Variants in KAT6B observed in about 807,000 individuals in gnomAD.
KAT6B encodes the protein lysine acetyltransferase 6B.
KAT6B carries 10 observed loss-of-function variants against 187.5 expected under a neutral mutation model. That is an observed-to-expected ratio of 0.05 (90% CI 0.03 to 0.09). The LOEUF (loss-of-function observed/expected upper bound fraction) is 0.09, where lower values mean the gene tolerates loss of function less well. Among genes scored for constraint, KAT6B ranks in the 10% least tolerant of loss-of-function variants. The pLI, the probability that KAT6B is intolerant of heterozygous loss-of-function variation, is 1.00. For synonymous variants in KAT6B, 861 were observed against 926.8 expected, an observed-to-expected ratio of 0.93 and a Z score of 1.29; for missense variants, 1,952 against 2,558.9, an observed-to-expected ratio of 0.76 and a Z score of 5.12.
intron 13 of KAT6B, among the ~76,000 whole-genome samples, chr10:75,006,106 G>A (rs1056734177): frequency 6.6e-6 from 1 of 152,108 alleles, no homozygotes; most frequent in African/African-American, 2.4e-5. Flanking sequence ...AGTTATTTCT[G>A]TAAACAAAAC....
At chr10:74,976,428 G>T in intron 8 of KAT6B, 98 bp downstream of exon 8, 1 of 972,320 alleles carries the variant, frequency 1.0e-6, no homozygotes, top group Non-Finnish European at 1.6e-6. Flanking sequence ...TGTCACATAG[G>T]TCTTAGCTAT....
chr10:74,828,692 G>A (rs941019141), intron 1 of KAT6B, among the ~76,000 whole-genome samples: 1 of 149,658 alleles, frequency 6.7e-6, no homozygotes, highest in African/African-American at 2.5e-5. Context: ...CTCAGCCTCC[G>A]GAGTAGCTGG....
intron 9 of KAT6B, 68 bp from the exon 10 acceptor site, chr10:74,979,156 C>A: frequency 9.3e-7 from 1 of 1,071,654 alleles, no homozygotes; most frequent in Non-Finnish European, 1.4e-6. Context: ...TTGATAGTCA[C>A]TGGTGAAAGA....
chr10:74,975,933 C>T lies in KAT6B; in HGVS notation c.1596C>T (p.Ser532=). Residue 532 remains serine (S), a synonymous_variant, in exon 8 of 18, where the codon AGC becomes AGT. Transcript: ENST00000287239. ...GCCAGTGCAGTGTGCCCTCCCTGAG[C>T]AGCCTTACCACTAACAGCCAGCTGA... ...SSSQCSVPSL[S]SLTTNSQLKA... 1 of 1,614,164 alleles carries T rather than the reference C, an allele frequency of 6.2e-7. No homozygotes were observed. The highest frequency in any genetic ancestry group is 8.5e-7 in the Non-Finnish European group (1 of 1,180,032).
chr10:74,893,426 T>C (rs746391506), intron 3 of KAT6B, among the ~76,000 whole-genome samples: 21 of 152,268 alleles, frequency 1.4e-4, no homozygotes, highest in East Asian at 1.3e-3. Flanking sequence ...GATAATATTT[T>C]CTTTTTAAAA....
At chr10:75,020,906 T>C in intron 14 of KAT6B, 93 bp downstream of exon 14, 1 of 1,110,162 alleles carries the variant, frequency 9.0e-7, no homozygotes, top group Non-Finnish European at 1.3e-6. Flanking sequence ...AGTTAAAGAC[T>C]GAGGTTCCCT....
At chr10:74,893,346 C>T (rs1413754962) in intron 3 of KAT6B, among the ~76,000 whole-genome samples, 2 of 152,104 alleles carry the variant, frequency 1.3e-5, no homozygotes, top group Non-Finnish European at 2.9e-5. Context: ...AAAAGCTTGA[C>T]ATTGGATAAA....
intron 3 of KAT6B, among the ~76,000 whole-genome samples, chr10:74,947,922 G>T (rs1397486468): frequency 6.6e-6 from 1 of 152,168 alleles, no homozygotes; most frequent in Non-Finnish European, 1.5e-5. Context: ...CCAAGATAAT[G>T]CTCATGTAAG....
chr10:74,874,422 C>T (rs1844244780), intron 3 of KAT6B, among the ~76,000 whole-genome samples: 1 of 152,094 alleles, frequency 6.6e-6, no homozygotes, highest in African/African-American at 2.4e-5. Flanking sequence ...CTCTGTCGCT[C>T]AGGCTGGAGT....
Position 74,972,493 on chromosome 10 carries a change from A to G in KAT6B, c.929-14A>G, listed in dbSNP as rs375840658. ...AAACATTAAAATATTTTTCTCATATATATATTAATTCAGGGATGTGGATTT... is the reference window on the plus strand; with the variant it reads ...AAACATTAAAATATTTTTCTCATATGTATATTAATTCAGGGATGTGGATTT... On this transcript the variant is annotated splice_polypyrimidine_tract_variant and intron_variant, in intron 6 of 17. Coordinates refer to ENST00000287239, the MANE Select transcript of KAT6B (RefSeq NM_012330.4). 8.4e-6 allele frequency: 13 copies of G among 1,539,712 alleles called. No homozygotes were observed. The African/African-American group carries it at 1.4e-4, about 16-fold the overall frequency.
At chr10:74,832,057 T>C (rs1840904431) in intron 1 of KAT6B, among the ~76,000 whole-genome samples, 2 of 152,246 alleles carry the variant, frequency 1.3e-5, no homozygotes, top group Admixed American at 6.5e-5. Flanking sequence ...ATTGTGAAAC[T>C]GGATAAAATA....
chr10:74,995,028 C>T (rs190817739), intron 13 of KAT6B, among the ~76,000 whole-genome samples: 6 of 152,302 alleles, frequency 3.9e-5, no homozygotes, highest in Admixed American at 3.9e-4. Flanking sequence ...CGCCACCATA[C>T]GGTTGTATTC....
chr10:74,986,548 C>G (rs968191324), intron 12 of KAT6B, among the ~76,000 whole-genome samples: 2 of 152,076 alleles, frequency 1.3e-5, no homozygotes, highest in East Asian at 3.8e-4. Flanking sequence ...ACCCAAAGAT[C>G]ATAAACAAAA....
intron 3 of KAT6B, among the ~76,000 whole-genome samples, chr10:74,940,051 A>G (rs1452043353): frequency 6.6e-6 from 1 of 152,068 alleles, no homozygotes; most frequent in Non-Finnish European, 1.5e-5. Context: ...GCTATTAATG[A>G]AAGTGTCTTA....
At chr10:74,920,023 T>C (rs1208429529) in intron 3 of KAT6B, among the ~76,000 whole-genome samples, 3 of 152,214 alleles carry the variant, frequency 2.0e-5, no homozygotes, top group Non-Finnish European at 4.4e-5. Context: ...TTCCTGTGGG[T>C]CTTCTTCTGT....
intron 13 of KAT6B, among the ~76,000 whole-genome samples, chr10:75,011,353 A>T (rs1467404201): frequency 6.6e-6 from 1 of 152,214 alleles, no homozygotes; most frequent in African/African-American, 2.4e-5. Flanking sequence ...TAAAAGGTCA[A>T]AGAGGAAGAC....
At chr10:74,899,269 T>TATTATC (rs995344440) in intron 3 of KAT6B, among the ~76,000 whole-genome samples, 2 of 147,834 alleles carry the variant, frequency 1.4e-5, no homozygotes, top group Non-Finnish European at 3.0e-5. Context: ...TTATTATTAT[T>TATTATC]ATTATTATTA....
rs113566014 is a variant in KAT6B at position 75,030,195 on chromosome 10, A to G, written c.5371A>G (p.Asn1791Asp). Residue 1791 changes from asparagine to aspartate, a missense_variant, in exon 18 of 18, where the codon AAC (asparagine) becomes GAC (aspartate). Coordinates refer to ENST00000287239, the MANE Select transcript of KAT6B (RefSeq NM_012330.4). The surrounding 1 kb of genome is among the most constrained non-coding windows in gnomAD (Gnocchi z 4.8). ...TGAAATCCCCGAGACGAGCAACGCC[A>G]ACATTGGCTTATACGAGCGAATGGG... The part of the protein sequence containing the change: ...LAEIPETSNA[N>D]IGLYERMGQS... 19 of 1,614,216 alleles carry G rather than the reference A, an allele frequency of 1.2e-5. No homozygotes were observed. The highest frequency in any genetic ancestry group is 3.3e-4 in the Middle Eastern group (2 of 6,062).
chr10:74,999,861 T>C (rs942310704), intron 13 of KAT6B, among the ~76,000 whole-genome samples: 1 of 152,202 alleles, frequency 6.6e-6, no homozygotes. Flanking sequence ...TAAAAGTAGA[T>C]TCAAAAAGCT....
Sources: allele counts gnomAD v4.1 joint callset (sites outside exome capture counted in the v4.1 genomes callset), GRCh38; gene constraint gnomAD v4.1.1; non-coding constraint Gnocchi (gnomAD v3.1); transcripts MANE v1.5; gene names NCBI Gene and HGNC (gene_info 2026-07-23, HGNC 2026-07-21).